KLHL2: variants seen among roughly 807,000 people sequenced by gnomAD.
The protein encoded by KLHL2 is kelch like family member 2, also known as kelch-like protein 2.
KLHL2 carries 15 observed loss-of-function variants against 75.8 expected under a neutral mutation model. That is an observed-to-expected ratio of 0.20 (90% CI 0.13 to 0.30). The LOEUF (loss-of-function observed/expected upper bound fraction) is 0.30. Among genes scored for constraint, KLHL2 ranks in the 10% least tolerant of loss-of-function variants. The pLI, the probability that KLHL2 is intolerant of heterozygous loss-of-function variation, is 1.00. For missense variants in KLHL2, 381 were observed against 741.0 expected (o/e 0.51, Z 5.64); for synonymous variants, 214 against 251.9 (o/e 0.85, Z 1.42).
At chr4:165,267,129 A>G (rs1032018391) in intron 5 of KLHL2, among the ~76,000 whole-genome samples, 1 of 152,180 alleles carries the variant, frequency 6.6e-6, no homozygotes, top group African/African-American at 2.4e-5. Flanking sequence ...TTATTGGTGT[A>G]TAGGAATGCT....
intron 1 of KLHL2, among the ~76,000 whole-genome samples, chr4:165,213,848 C>T (rs1156298342): frequency 1.3e-5 from 2 of 152,176 alleles, no homozygotes; most frequent in Admixed American, 1.3e-4. Context: ...AAAAATATAT[C>T]TGCATATTCA....
At chr4:165,277,776 C>CACACACAA (rs1743252986) in intron 5 of KLHL2, 1 of 615,224 alleles carries the variant, frequency 1.6e-6, no homozygotes, top group Non-Finnish European at 2.9e-6. Context: ...CACACACACA[C>CACACACAA]ACACACACAC....
chr4:165,256,475 A>G (rs1400801101), intron 4 of KLHL2, among the ~76,000 whole-genome samples: 4 of 152,346 alleles, frequency 2.6e-5, no homozygotes, highest in Admixed American at 1.3e-4. Flanking sequence ...CTGTTCTACA[A>G]AACACTGGCT....
chr4:165,294,209 G>A, intron 5 of KLHL2, 150 bp from the exon 6 acceptor site: 1 of 557,454 alleles, frequency 1.8e-6, no homozygotes, highest in Non-Finnish European at 3.2e-6. Flanking sequence ...AGTTTGTTTG[G>A]GTTTGTCTTG....
At position 165,290,633 on chromosome 4, in the gene KLHL2, T is replaced by G. The variant is rs529384943; in HGVS notation, c.545-3726T>G. 6.5e-3 allele frequency among the ~76,000 whole-genome samples: 996 copies of G among 152,294 alleles called. 1 individual carries two copies. The highest frequency in any genetic ancestry group is 0.011 in the Non-Finnish European group (725 of 68,022). On this transcript the variant is annotated intron_variant, in intron 5 of 14. Coordinates refer to ENST00000226725, the MANE Select transcript of KLHL2 (RefSeq NM_007246.4). ...GGAATTAGCGGGATTATATTTTAGATATAGAAGGTACTTTTGCAATTAATC... is the reference window on the plus strand; with the variant it reads ...GGAATTAGCGGGATTATATTTTAGAGATAGAAGGTACTTTTGCAATTAATC...
intron 8 of KLHL2, among the ~76,000 whole-genome samples, chr4:165,301,925 C>A (rs563066150): frequency 6.6e-6 from 1 of 151,872 alleles, no homozygotes; most frequent in African/African-American, 2.4e-5. Flanking sequence ...CTAGAGTTCT[C>A]GGTAAAAGCC....
intron 5 of KLHL2, among the ~76,000 whole-genome samples, chr4:165,283,342 A>T (rs1353778995): frequency 1.3e-5 from 2 of 152,372 alleles, no homozygotes; most frequent in African/African-American, 4.8e-5. Flanking sequence ...CCTTTCGCCT[A>T]TGAGCCTGTA....
chr4:165,249,449 A>G (rs1239599319), intron 4 of KLHL2, among the ~76,000 whole-genome samples: 3 of 152,210 alleles, frequency 2.0e-5, no homozygotes, highest in Non-Finnish European at 4.4e-5. Context: ...GTGAGCAGGG[A>G]ATCACAAGGA....
intron 8 of KLHL2, among the ~76,000 whole-genome samples, chr4:165,302,718 C>T (rs1371118621): frequency 6.6e-6 from 1 of 151,872 alleles, no homozygotes; most frequent in Non-Finnish European, 1.5e-5. Flanking sequence ...TATTTTTACC[C>T]AGTATATTTA....
chr4:165,320,956 T>A (rs547778692), intron 14 of KLHL2, among the ~76,000 whole-genome samples: 1 of 152,194 alleles, frequency 6.6e-6, no homozygotes, highest in South Asian at 2.1e-4. Context: ...TGCCAGACAA[T>A]GAAGAAGATG....
In KLHL2 at chr4:165,207,941, A is replaced by G; in HGVS notation, c.26+39A>G. 1.5e-6 allele frequency: 2 copies of G among 1,341,024 alleles called. No homozygotes were observed. The highest frequency in any genetic ancestry group is 1.9e-6 in the Non-Finnish European group (2 of 1,043,384). 83.1% of individuals were successfully genotyped at this position (1,341,024 alleles called of 1,614,324 possible). On this transcript the variant is annotated intron_variant, in intron 1 of 14. Coordinates refer to ENST00000226725, the MANE Select transcript of KLHL2 (RefSeq NM_007246.4). The surrounding 1 kb of genome is among the most constrained non-coding windows in gnomAD (Gnocchi z 4.2). Reference sequence around the variant, plus strand: ...CGGGCGGGCTGCGCCGCTGCGGATAAGCGCGCCGCTGCGGCGCGTGTCGCC... The same window carrying G: ...CGGGCGGGCTGCGCCGCTGCGGATAGGCGCGCCGCTGCGGCGCGTGTCGCC...
At chr4:165,311,145 T>G (rs1746156513) in intron 10 of KLHL2, among the ~76,000 whole-genome samples, 1 of 152,116 alleles carries the variant, frequency 6.6e-6, no homozygotes, top group Non-Finnish European at 1.5e-5. Context: ...CATGTGAGGT[T>G]TTAACTGGTA....
intron 5 of KLHL2, among the ~76,000 whole-genome samples, chr4:165,288,584 A>T (rs1251320322): frequency 6.6e-6 from 1 of 152,094 alleles, no homozygotes; most frequent in East Asian, 1.9e-4. Flanking sequence ...TTCCTTGTTC[A>T]TTTTTACAGA....
intron 9 of KLHL2, among the ~76,000 whole-genome samples, chr4:165,310,078 T>C (rs544777507): frequency 7.2e-5 from 11 of 152,276 alleles, no homozygotes; most frequent in South Asian, 2.1e-4. Flanking sequence ...TGGCTCACGC[T>C]TGTAATCCCA....
At position 165,212,227 on chromosome 4, in the gene KLHL2, T is replaced by C. The variant is rs371189791; in HGVS notation, c.26+4325T>C. 2.4e-4 allele frequency among the ~76,000 whole-genome samples: 36 copies of C among 152,242 alleles called. No individual in the cohort carries two copies. In the East Asian group the frequency reaches 3.1e-3, roughly 13 times the overall value. On this transcript the variant is annotated intron_variant, in intron 1 of 14. Transcript: ENST00000226725. ...TTGAAACTAATAGCAAACAAATATG[T>C]AATATTGTTAGTAGTATTACAGTAA...
chr4:165,307,279 G>T lies in KLHL2; in HGVS notation c.1039+1554G>T, dbSNP rs1034485780. On this transcript the variant is annotated intron_variant, in intron 9 of 14. Coordinates refer to ENST00000226725, the MANE Select transcript of KLHL2 (RefSeq NM_007246.4). ...GCCAAGACCTCGCCACTGCACTCCA[G>T]CCTAGGCAATAGAGTGAGACTCCGT... 1.4e-4 allele frequency among the ~76,000 whole-genome samples: 21 copies of T among 152,204 alleles called. 1 individual carries two copies. Among genetic ancestry groups the T allele is most frequent in the Non-Finnish European group, 1.5e-5 (1 of 68,032 alleles).
intron 4 of KLHL2, among the ~76,000 whole-genome samples, chr4:165,245,716 G>T (rs376992335): frequency 6.6e-6 from 1 of 152,102 alleles, no homozygotes; most frequent in Non-Finnish European, 1.5e-5. Context: ...GTTTAGGACC[G>T]AATTGAACTG....
intron 5 of KLHL2, among the ~76,000 whole-genome samples, chr4:165,285,363 A>G (rs546790410): frequency 6.6e-6 from 1 of 152,198 alleles, no homozygotes; most frequent in Non-Finnish European, 1.5e-5. Context: ...AATGAATTTC[A>G]TATTTGCAAG....
chr4:165,210,895 T>G (rs1387503060), intron 1 of KLHL2, among the ~76,000 whole-genome samples: 1 of 152,192 alleles, frequency 6.6e-6, no homozygotes, highest in Non-Finnish European at 1.5e-5. Context: ...TTGGCACTTG[T>G]TTTTTTACTG....
Sources: allele counts gnomAD v4.1 joint callset (sites outside exome capture counted in the v4.1 genomes callset), GRCh38; gene constraint gnomAD v4.1.1; non-coding constraint Gnocchi (gnomAD v3.1); transcripts MANE v1.5; gene names NCBI Gene and HGNC (gene_info 2026-07-23, HGNC 2026-07-21).